The following UCK2 variants were observed in gnomAD, a reference collection of about 807,000 sequenced individuals.
UCK2 encodes cytidine monophosphokinase 2.
Under a neutral mutation model 30.8 loss-of-function variants are expected in UCK2, and 6 were observed. That is an observed-to-expected ratio of 0.19 (90% CI 0.11 to 0.38). The LOEUF (loss-of-function observed/expected upper bound fraction) is 0.38. UCK2 is among the 10% of genes least tolerant of loss of function. The pLI, the probability that UCK2 is intolerant of heterozygous loss-of-function variation, is 1.00. For missense variants in UCK2, 210 were observed against 339.8 expected, an observed-to-expected ratio of 0.62 and a Z score of 3.00; for synonymous variants, 125 against 133.6, an observed-to-expected ratio of 0.94 and a Z score of 0.45.
chr1:165,860,828 G>A (rs1048420462), intron 1 of UCK2, among the ~76,000 whole-genome samples: 10 of 152,196 alleles, frequency 6.6e-5, no homozygotes, highest in East Asian at 1.9e-4. Context: ...CCTTAGAGCC[G>A]TGGTGGTCAA....
In UCK2 at chr1:165,872,806, C is replaced by T. The variant is rs1655232822; in HGVS notation, c.100-17398C>T. On this transcript the variant is annotated intron_variant, in intron 1 of 6. Transcript: ENST00000367879. ...ATTAGTGTCTGTGTTTGAAAAAAATCATTCACACATGGTTTTATATGTAGG... is the reference window on the plus strand; with the variant it reads ...ATTAGTGTCTGTGTTTGAAAAAAATTATTCACACATGGTTTTATATGTAGG... Among the ~76,000 whole-genome samples, 4 of 152,154 alleles carry T rather than the reference C, an allele frequency of 2.6e-5. No homozygotes were observed. In the South Asian group the frequency reaches 8.3e-4, roughly 32 times the overall value.
intron 1 of UCK2, among the ~76,000 whole-genome samples, chr1:165,829,269 T>C (rs896752996): frequency 6.6e-6 from 1 of 152,182 alleles, no homozygotes; most frequent in African/African-American, 2.4e-5. Flanking sequence ...TTTAAAAAAA[T>C]TTGTAATTTT....
intron 1 of UCK2, among the ~76,000 whole-genome samples, chr1:165,835,731 C>T (rs1355228844): frequency 1.3e-5 from 2 of 151,776 alleles, no homozygotes; most frequent in South Asian, 4.2e-4. Context: ...TTTCTTTTTT[C>T]CTCAATCATA....
chr1:165,835,905 A>G (rs986697044), intron 1 of UCK2, among the ~76,000 whole-genome samples: 3 of 152,140 alleles, frequency 2.0e-5, no homozygotes, highest in African/African-American at 7.2e-5. Flanking sequence ...TTGCATTACT[A>G]CTGTACTTAT....
chr1:165,882,597 G>T (rs766092287), intron 1 of UCK2, among the ~76,000 whole-genome samples: 6 of 152,150 alleles, frequency 3.9e-5, no homozygotes, highest in Non-Finnish European at 8.8e-5. Flanking sequence ...GGTGAGGGCC[G>T]CTGTCTGCTT....
chr1:165,884,427 G>A (rs1370790660), intron 1 of UCK2, among the ~76,000 whole-genome samples: 1 of 152,188 alleles, frequency 6.6e-6, no homozygotes, highest in Non-Finnish European at 1.5e-5. Context: ...TGGTTATCTG[G>A]TCTTCTTCTG....
rs1242029217 is a variant in UCK2 at position 165,890,313 on chromosome 1, C to T, written c.209C>T (p.Ser70Leu). Residue 70 changes from serine (S) to leucine (L), a missense_variant, in exon 2 of 7, where the codon TCG (serine) becomes TTG (leucine). Transcript: ENST00000367879. Reference sequence around the variant, plus strand: ...GATAGCTTCTACCGTGTCCTTACCTCGGAGCAGAAGGCCAAAGCCCTGAAG... The same window carrying T: ...GATAGCTTCTACCGTGTCCTTACCTTGGAGCAGAAGGCCAAAGCCCTGAAG... ...SQDSFYRVLT[S>L]EQKAKALKGQ... 14 of 1,613,892 alleles carry T rather than the reference C, an allele frequency of 8.7e-6. No individual in the cohort carries two copies. The highest frequency in any genetic ancestry group is 4.5e-5 in the East Asian group (2 of 44,880).
At chr1:165,864,015 T>G (rs536859386) in intron 1 of UCK2, among the ~76,000 whole-genome samples, 2 of 152,222 alleles carry the variant, frequency 1.3e-5, no homozygotes, top group Non-Finnish European at 2.9e-5. Context: ...CTCTGCCATC[T>G]TGGCTCACTG....
rs748070318 is a variant in UCK2 at position 165,907,826 on chromosome 1, C to T, written c.*3C>T. On this transcript the variant is annotated 3_prime_UTR_variant, in exon 7 of 7. Coordinates refer to ENST00000367879, the MANE Select transcript of UCK2 (RefSeq NM_012474.5). ...AGTCCAGCAGCAGGCCGCATTGACC[C>T]GTCTCCATCGGACCCCAGCCCCTAT... The T allele has an allele frequency of 5.9e-5, 96 of 1,613,734 alleles. No homozygotes were observed. The highest frequency in any genetic ancestry group is 1.6e-4 in the Middle Eastern group (1 of 6,084).
At chr1:165,878,387 A>G (rs1040455179) in intron 1 of UCK2, among the ~76,000 whole-genome samples, 6 of 150,848 alleles carry the variant, frequency 4.0e-5, no homozygotes, top group East Asian at 2.0e-4. Context: ...CTGGAGTGCA[A>G]TGGCGCAATC....
chr1:165,828,246 G>A (rs961754972), intron 1 of UCK2, among the ~76,000 whole-genome samples: 2 of 152,184 alleles, frequency 1.3e-5, no homozygotes, highest in Non-Finnish European at 2.9e-5. Flanking sequence ...CAGGGAAGCG[G>A]ATGCTTATTG....
intron 1 of UCK2, among the ~76,000 whole-genome samples, chr1:165,882,331 C>T (rs1446331529): frequency 6.6e-6 from 1 of 152,152 alleles, no homozygotes; most frequent in Non-Finnish European, 1.5e-5. Flanking sequence ...TTCAAGAGAA[C>T]GTTTCTACCA....
chr1:165,837,258 A>T (rs1429574492), intron 1 of UCK2, among the ~76,000 whole-genome samples: 3 of 152,190 alleles, frequency 2.0e-5, no homozygotes, highest in Non-Finnish European at 2.9e-5. Context: ...CTGTATATTC[A>T]TCTACAGAAG....
chr1:165,859,981 G>T (rs956450634), intron 1 of UCK2, among the ~76,000 whole-genome samples: 1 of 152,186 alleles, frequency 6.6e-6, no homozygotes, highest in Admixed American at 6.5e-5. Context: ...TCCTTGTGCG[G>T]GACCAGTCTT....
chr1:165,891,410 G>A (rs538156169), intron 3 of UCK2, 88 bp downstream of exon 3: 11 of 1,236,588 alleles, frequency 8.9e-6, no homozygotes, highest in East Asian at 7.2e-5. Context: ...CTTACCTCTC[G>A]CACTTCAGAC....
At chr1:165,904,409 G>A (rs1439053740) in intron 5 of UCK2, among the ~76,000 whole-genome samples, 1 of 152,194 alleles carries the variant, frequency 6.6e-6, no homozygotes, top group Non-Finnish European at 1.5e-5. Flanking sequence ...ACTGGAAAGA[G>A]ACCAGAGGGG....
At chr1:165,860,501 T>C (rs1230802820) in intron 1 of UCK2, among the ~76,000 whole-genome samples, 1 of 151,730 alleles carries the variant, frequency 6.6e-6, no homozygotes, top group Non-Finnish European at 1.5e-5. Flanking sequence ...CAGGCGGGAG[T>C]GCAGTGGTGC....
intron 1 of UCK2, among the ~76,000 whole-genome samples, chr1:165,847,175 C>G (rs1654471806): frequency 6.6e-6 from 1 of 151,988 alleles, no homozygotes; most frequent in African/African-American, 2.4e-5. Context: ...CTCAGTGGTA[C>G]CACTTCCTAG....
intron 1 of UCK2, among the ~76,000 whole-genome samples, chr1:165,889,662 T>C (rs1044459565): frequency 4.6e-5 from 7 of 150,844 alleles, no homozygotes; most frequent in Non-Finnish European, 1.0e-4. Flanking sequence ...GTCACAGGCG[T>C]GTAAGGCGGA....
Sources: gnomAD v4.1 joint callset for allele counts (sites outside exome capture counted in the v4.1 genomes callset) on GRCh38, gnomAD v4.1.1 for gene constraint, MANE v1.5 for transcripts, NCBI Gene and HGNC (gene_info 2026-07-23, HGNC 2026-07-21) for gene names.